PRAM1: variants seen among roughly 807,000 people sequenced by gnomAD.
PRAM1 encodes the protein PML-RARA regulated adaptor molecule 1, also known as PML-RARA-regulated adapter molecule 1.
Under a neutral mutation model 55.3 loss-of-function variants are expected in PRAM1, and 41 were observed. The ratio of observed to expected loss-of-function variants is 0.74; its 90% CI spans 0.58 to 0.96. The LOEUF (loss-of-function observed/expected upper bound fraction) is 0.96. Ranked by LOEUF, PRAM1 falls within the 40% of genes least tolerant of loss-of-function variation. The pLI is 0.00. For missense variants in PRAM1, 898 were observed against 892.7 expected (o/e 1.01, Z -0.08); for synonymous variants, 401 against 387.1 (o/e 1.04, Z -0.42).
In PRAM1 at chr19:8,490,278, T is replaced by C; in HGVS notation, c.1976-52A>G. The C allele has an allele frequency of 6.2e-7, 1 of 1,613,320 alleles. No homozygotes were observed. Among genetic ancestry groups the C allele is most frequent in the Non-Finnish European group, 8.5e-7 (1 of 1,179,570 alleles). ...ACCCCTCTCCCCAGAAGCCCAATAG[T>C]GAGCAGCGCCCCCGGGGAATCGCCA... On this transcript the variant is annotated intron_variant, in intron 9 of 9. Coordinates refer to ENST00000423345, the MANE Select transcript of PRAM1 (RefSeq NM_032152.5). The surrounding 1 kb of genome is among the most constrained non-coding windows in gnomAD (Gnocchi z 7.3).
intron 1 of PRAM1, 141 bp from the exon 2 acceptor site, chr19:8,499,921 GC>G: frequency 2.9e-6 from 2 of 686,726 alleles, no homozygotes; most frequent in Non-Finnish European, 2.4e-6. Context: ...TTTCCCAGGA[GC>G]CCCCATGGAT....
intron 1 of PRAM1, 32 bp downstream of exon 1, chr19:8,502,533 C>G (rs1971819927): frequency 1.3e-6 from 2 of 1,538,716 alleles, no homozygotes; most frequent in African/African-American, 2.8e-5. Context: ...TGCTTCCCAG[C>G]CAGTGAGGCA....
chr19:8,500,437 C>G (rs542660924), intron 1 of PRAM1, among the ~76,000 whole-genome samples: 47 of 152,302 alleles, frequency 3.1e-4, no homozygotes, highest in African/African-American at 1.0e-3. Context: ...CTGCCTACCC[C>G]CTTCCCTGGT....
chr19:8,499,021 TC>T lies in PRAM1; in HGVS notation c.786del (p.Lys263SerfsTer16). On this transcript the variant is annotated frameshift_variant, in exon 2 of 10. Coordinates refer to ENST00000423345, the MANE Select transcript of PRAM1 (RefSeq NM_032152.5). LOFTEE classifies it high-confidence loss of function. ...TTGGGAAAGGCGCTGGAGTCGCGCT[TC>T]GGCTCGCTGGACTGAGGCTTCCAGA... ...TPLWKPQSSE[P>X]KRDSSAFPKK... is the part of the protein sequence containing the mutation. The T allele has an allele frequency of 6.2e-7, 1 of 1,613,370 alleles. No individual in the cohort carries two copies. The highest frequency in any genetic ancestry group is 1.1e-5 in the South Asian group (1 of 91,042).
At chr19:8,497,641 T>TGTA in intron 4 of PRAM1, 123 bp downstream of exon 4, 2 of 738,954 alleles carry the variant, frequency 2.7e-6, no homozygotes, top group Non-Finnish European at 4.5e-6. Context: ...GCTCCCCTTA[T>TGTA]GTAGTTCCAC....
chr19:8,499,728 G>C lies in PRAM1; in HGVS notation c.80C>G (p.Pro27Arg), dbSNP rs367747523. The C allele has an allele frequency of 6.2e-7, 1 of 1,613,422 alleles. No homozygotes were observed. The highest frequency in any genetic ancestry group is 8.5e-7 in the Non-Finnish European group (1 of 1,179,672). ...TTTTTTGGGCAGGTCGCTGGGCTCC[G>C]GCTGAGAGGCCTGGAACTTTGCTTT... is the stretch of plus-strand genomic sequence containing the variant. ...SIKAKFQASQPEPSDLPKKPP... is the reference protein window; with the variant it reads ...SIKAKFQASQREPSDLPKKPP... The change falls in exon 2 of 10, where the codon CCG becomes CGG. Residue 27 changes from proline to arginine, a missense_variant. By Grantham distance (103) the Pro-to-Arg change is moderately radical. This residue lies in a region of PRAM1 where 79 missense variants were observed against 93.4 expected (regional missense o/e 0.85). Coordinates refer to ENST00000423345, the MANE Select transcript of PRAM1 (RefSeq NM_032152.5).
At chr19:8,499,854 CT>C in intron 1 of PRAM1, 74 bp from the exon 2 acceptor site, 5 of 1,321,598 alleles carry the variant, frequency 3.8e-6, no homozygotes, top group Non-Finnish European at 5.1e-6. Context: ...CCTGGGGACC[CT>C]CAGGCACAGC....
rs1235497154 is a variant in PRAM1, at chr19:8,499,264, C to T, written c.544G>A (p.Glu182Lys). 6.2e-7 allele frequency: 1 copy of T among 1,609,746 alleles called. No individual in the cohort carries two copies. The highest frequency in any genetic ancestry group is 1.1e-5 in the South Asian group (1 of 90,888). Residue 182 changes from glutamate (E) to lysine (K), a missense_variant, in exon 2 of 10, where the codon GAA becomes AAA. Glu to Lys is a moderately conservative substitution (Grantham distance 56, BLOSUM62 1). Around this residue, in one of 4 missense-constraint regions of PRAM1, gnomAD observed 787 missense variants for 735.4 expected, o/e 1.07. Coordinates refer to ENST00000423345, the MANE Select transcript of PRAM1 (RefSeq NM_032152.5). Reference protein sequence around the residue: ...ELSHPARPPSEPKSGAFPRKL... With the variant: ...ELSHPARPPSKPKSGAFPRKL... ...CTGGGGAATGCGCCGGATTTGGGTTCGGAGGGGGGTCTGGCGGGGTGACTG... is the reference window on the plus strand; with the variant it reads ...CTGGGGAATGCGCCGGATTTGGGTTTGGAGGGGGGTCTGGCGGGGTGACTG...
intron 1 of PRAM1, 95 bp from the exon 2 acceptor site, chr19:8,499,875 C>T: frequency 9.2e-7 from 1 of 1,089,522 alleles, no homozygotes; most frequent in South Asian, 1.6e-5. Flanking sequence ...CCCACAACCA[C>T]CACCCCTGCG....
At position 8,498,872 on chromosome 19, in the gene PRAM1, G is replaced by A. The variant is rs760589066; in HGVS notation, c.936C>T (p.Ala312=). The A allele has an allele frequency of 1.2e-6, 2 of 1,609,958 alleles. No individual in the cohort carries two copies. Among genetic ancestry groups the A allele is most frequent in the Non-Finnish European group, 1.7e-6 (2 of 1,178,504 alleles). ...VSVLPKRPRP[A]EFKALSKKPP... is the part of the protein sequence containing the mutation. ...GCTTCTTGGAGAGCGCTTTGAATTC[G>A]GCCGGCCGCGGCCTCTTGGGAAGCA... The change falls in exon 2 of 10, where the codon GCC becomes GCT. Residue 312 remains alanine (A), a synonymous_variant. Coordinates refer to ENST00000423345, the MANE Select transcript of PRAM1 (RefSeq NM_032152.5).
chr19:8,490,716 T>C lies in PRAM1; in HGVS notation c.1784A>G (p.Asp595Gly). ...EIVVHTKMMI[D>G]PNAKTRRGGG... is the part of the protein sequence containing the mutation. ...CCCGCGACGTGTCTTAGCGTTGGGGTCGATCATCATCTTCGTGTGAACCAC... is the reference window on the plus strand; with the variant it reads ...CCCGCGACGTGTCTTAGCGTTGGGGCCGATCATCATCTTCGTGTGAACCAC... The change falls in exon 7 of 10, where the codon GAC (aspartate) becomes GGC (glycine). Residue 595 changes from aspartate (D) to glycine (G), a missense_variant. By Grantham distance (94) the Asp-to-Gly change is moderately conservative. Coordinates refer to ENST00000423345, the MANE Select transcript of PRAM1 (RefSeq NM_032152.5). This position sits in a 1 kb window ranked among gnomAD's most constrained non-coding sequence, Gnocchi z 7.3. 6.2e-7 allele frequency: 1 copy of C among 1,610,948 alleles called. No homozygotes were observed. The highest frequency in any genetic ancestry group is 8.5e-7 in the Non-Finnish European group (1 of 1,179,336).
intron 4 of PRAM1, among the ~76,000 whole-genome samples, chr19:8,497,411 C>T (rs1472595287): frequency 2.0e-5 from 3 of 152,088 alleles, no homozygotes; most frequent in African/African-American, 4.8e-5. Flanking sequence ...CTTGGGCTTA[C>T]GGGATCCTCC....
chr19:8,490,192 C>A lies in PRAM1; in HGVS notation c.2010G>T (p.Arg670=). The A allele has an allele frequency of 2.5e-6, 4 of 1,580,148 alleles. No homozygotes were observed. The highest frequency in any genetic ancestry group is 3.4e-6 in the Non-Finnish European group (4 of 1,161,810). ...CCTGGCCCCACGCCTACCGGTCTTA[C>A]CGTCCCAGGGGGAGTGGTTGGTTTT... is the stretch of plus-strand genomic sequence containing the variant. ...PLENQPLPLG[R] is the part of the protein sequence containing the mutation. Residue 670 remains arginine, a synonymous_variant, in exon 10 of 10, where the codon CGG becomes CGT. Coordinates refer to ENST00000423345, the MANE Select transcript of PRAM1 (RefSeq NM_032152.5). This position sits in a 1 kb window ranked among gnomAD's most constrained non-coding sequence, Gnocchi z 7.3.
intron 4 of PRAM1, chr19:8,496,061 C>T (rs1568315395): frequency 2.2e-6 from 1 of 456,110 alleles, no homozygotes; most frequent in East Asian, 6.9e-5. Flanking sequence ...CACACCTCCC[C>T]CTGAGTTTCA....
In PRAM1 at chr19:8,491,165, C is replaced by A; in HGVS notation, c.1577-8G>T. ...GAACTGAGGGCGCTTCATCTGGGGACAGTCAGGACTCCGAGTCAAGGCAGG... is the reference window on the plus strand; with the variant it reads ...GAACTGAGGGCGCTTCATCTGGGGAAAGTCAGGACTCCGAGTCAAGGCAGG... On this transcript the variant is annotated splice_region_variant and splice_polypyrimidine_tract_variant and intron_variant, in intron 4 of 9. Transcript: ENST00000423345. 2 of 1,609,178 alleles carry A rather than the reference C, an allele frequency of 1.2e-6. No homozygotes were observed. The highest frequency in any genetic ancestry group is 1.7e-6 in the Non-Finnish European group (2 of 1,179,228).
At position 8,490,906 on chromosome 19, in the gene PRAM1, T is replaced by C; in HGVS notation, c.1724A>G (p.Glu575Gly). The part of the protein sequence containing the change: ...QLRKAEKAER[E>G]FRKKFKFEGE... ...CCTCACCTTGAACTTCTTCCGGAAC[T>C]CCCTCTCGGCCTTCTCTGCCTTCCT... Residue 575 changes from glutamate (E) to glycine (G), a missense_variant, in exon 6 of 10, where the codon GAG becomes GGG. This residue lies in a region of PRAM1 where 787 missense variants were observed against 735.4 expected (regional missense o/e 1.07). Coordinates refer to ENST00000423345, the MANE Select transcript of PRAM1 (RefSeq NM_032152.5). This position sits in a 1 kb window ranked among gnomAD's most constrained non-coding sequence, Gnocchi z 7.3. 6.2e-7 allele frequency: 1 copy of C among 1,613,612 alleles called. No individual in the cohort carries two copies. The highest frequency in any genetic ancestry group is 2.2e-5 in the East Asian group (1 of 44,872).
chr19:8,498,238 G>A lies in PRAM1; in HGVS notation c.1484C>T (p.Pro495Leu), dbSNP rs759443724. 5.6e-6 allele frequency: 9 copies of A among 1,612,592 alleles called. No homozygotes were observed. The South Asian group carries it at 9.9e-5, about 18-fold the overall frequency. The change falls in exon 3 of 10, where the codon CCT (proline) becomes CTT (leucine). Residue 495 changes from proline (P) to leucine (L), a missense_variant. Physicochemically the swap from Pro to Leu is moderately conservative, Grantham distance 98. Transcript: ENST00000423345. ...AAGLHFQDRQ[P>L]EDIPQVPDEI... is the part of the protein sequence containing the mutation. ...CCACACTCACTGCGGGATGTCTTCA[G>A]GCTGTCGGTCCTGGAAGTGGAGCCC...
chr19:8,490,601 TTTG>T lies in PRAM1; in HGVS notation c.1896_1898del (p.Lys633del), dbSNP rs1348612610. 1.3e-6 allele frequency: 2 copies of T among 1,586,198 alleles called. No homozygotes were observed. The highest frequency in any genetic ancestry group is 1.7e-6 in the Non-Finnish European group (2 of 1,166,218). ...GGGGCCGGGCGCACTCACATTTGCC[TTTG>T]GGGTCCCGGCACAGCATCTCCTCAT... On this transcript the variant is annotated inframe_deletion, in exon 7 of 10. Transcript: ENST00000423345. This position sits in a 1 kb window ranked among gnomAD's most constrained non-coding sequence, Gnocchi z 7.3.
intron 1 of PRAM1, among the ~76,000 whole-genome samples, chr19:8,501,240 TGC>T (rs768110403): frequency 7.3e-5 from 11 of 151,572 alleles, no homozygotes; most frequent in Non-Finnish European, 1.3e-4. Context: ...CACAGGTGTC[TGC>T]CACGACGCCT....
Sources: gnomAD v4.1 joint callset for allele counts (sites outside exome capture counted in the v4.1 genomes callset) on GRCh38, gnomAD v4.1.1 for gene constraint, gnomAD v4.1.1 regional missense constraint, Gnocchi (gnomAD v3.1) non-coding constraint, MANE v1.5 for transcripts, NCBI Gene and HGNC (gene_info 2026-07-23, HGNC 2026-07-21) for gene names.